Variants in PAK3 observed in about 807,000 individuals in gnomAD.
PAK3 encodes serine/threonine-protein kinase PAK 3.
A neutral mutation model predicts 41.0 loss-of-function variants in PAK3; 4 were observed. The ratio of observed to expected loss-of-function variants is 0.10; its 90% CI spans 0.05 to 0.22. The LOEUF (loss-of-function observed/expected upper bound fraction) is 0.22. PAK3 is among the 10% of genes least tolerant of loss of function. PAK3 has a pLI of 1.00. For missense variants in PAK3, 205 were observed against 409.9 expected, an observed-to-expected ratio of 0.50 and a Z score of 4.32; for synonymous variants, 146 against 139.6, an observed-to-expected ratio of 1.05 and a Z score of -0.32.
At chrX:111,098,223 G>A (rs987995083) in intron 3 of PAK3, among the ~76,000 whole-genome samples, 1 of 109,638 alleles carries the variant, frequency 9.1e-6, no homozygotes, top group Admixed American at 9.7e-5. Context: ...TGAGGGAAAC[G>A]AGAAATAAAA....
intron 1 of PAK3, among the ~76,000 whole-genome samples, chrX:110,997,805 T>C (rs1239503692): frequency 1.8e-5 from 2 of 110,848 alleles, no homozygotes; most frequent in Non-Finnish European, 3.8e-5. Flanking sequence ...GATTAGGTCA[T>C]CACGGAGGAG....
chrX:110,991,047 T>G (rs2091634386), intron 1 of PAK3, among the ~76,000 whole-genome samples: 1 of 109,399 alleles, frequency 9.1e-6, no homozygotes, highest in Admixed American at 9.8e-5. Context: ...GAGGATCGCT[T>G]GAACCCTGGA....
intron 1 of PAK3, among the ~76,000 whole-genome samples, chrX:110,951,959 T>C (rs1458513656): frequency 8.9e-6 from 1 of 112,431 alleles, no homozygotes; most frequent in Non-Finnish European, 1.9e-5. Flanking sequence ...GTTCCATAAC[T>C]TTCTGAAGGC....
At chrX:111,195,047 T>C (rs964788449) in intron 14 of PAK3, among the ~76,000 whole-genome samples, 1 of 112,420 alleles carries the variant, frequency 8.9e-6, no homozygotes, top group African/African-American at 3.2e-5. Context: ...AGTCTCATCT[T>C]AGGCATTATA....
At chrX:111,076,980 A>C (rs1391924087) in intron 1 of PAK3, among the ~76,000 whole-genome samples, 1 of 111,679 alleles carries the variant, frequency 9.0e-6, no homozygotes, top group Non-Finnish European at 1.9e-5. Flanking sequence ...AAGGTTGCAA[A>C]ATGTAGTACT....
chrX:111,208,281 T>G (rs1343749484), intron 16 of PAK3, among the ~76,000 whole-genome samples: 1 of 112,678 alleles, frequency 8.9e-6, no homozygotes, highest in South Asian at 3.7e-4. Flanking sequence ...ATTTAAAAAC[T>G]TACAGCAAGC....
chrX:110,966,486 G>A (rs943109645), intron 1 of PAK3, among the ~76,000 whole-genome samples: 1 of 110,655 alleles, frequency 9.0e-6, no homozygotes, highest in Non-Finnish European at 1.9e-5. Flanking sequence ...GAGAGATCAA[G>A]AACAGAGAGA....
chrX:111,077,025 A>C (rs967660497), intron 1 of PAK3, among the ~76,000 whole-genome samples: 24 of 111,530 alleles, frequency 2.2e-4, no homozygotes, highest in African/African-American at 5.2e-4. Context: ...ATCCCCCCCC[A>C]AAAAATCAAG....
chrX:110,991,351 A>T (rs1178479222), intron 1 of PAK3, among the ~76,000 whole-genome samples: 1 of 111,742 alleles, frequency 8.9e-6, no homozygotes, highest in Non-Finnish European at 1.9e-5. Flanking sequence ...GTTAGCTATC[A>T]TCATCATCAC....
At chrX:111,124,291 G>A (rs778334687) in intron 5 of PAK3, among the ~76,000 whole-genome samples, 1 of 112,270 alleles carries the variant, frequency 8.9e-6, no homozygotes, top group African/African-American at 3.2e-5. Flanking sequence ...CTGGATTGAA[G>A]ATAAACTGAA....
At chrX:111,100,301 C>T (rs1032605468) in intron 3 of PAK3, among the ~76,000 whole-genome samples, 33 of 111,355 alleles carry the variant, frequency 3.0e-4, no homozygotes, top group African/African-American at 1.1e-3. Flanking sequence ...ACTGTGAGCC[C>T]CAGGCACTTT....
At chrX:111,019,069 C>T (rs1339159650) in intron 1 of PAK3, among the ~76,000 whole-genome samples, 1 of 111,164 alleles carries the variant, frequency 9.0e-6, no homozygotes, top group African/African-American at 3.3e-5. Flanking sequence ...TGGGCCTTTA[C>T]CTTACACCAT....
rs2094362205 is a variant in PAK3 at position 111,172,914 on chromosome X, T to A, written c.767-104T>A. 5.0e-5 allele frequency: 27 copies of A among 544,218 alleles called. No homozygotes were observed. In the South Asian group the frequency reaches 6.2e-4, roughly 13 times the overall value. The allele number at this position is 544,218 out of a possible 1,213,427, so 44.8% of individuals were successfully genotyped here. ...TTTGTCACTGACTCTGGCATCTTAA[T>A]TTTCATTATTAAATTAAAAAACAGT... On this transcript the variant is annotated intron_variant, in intron 10 of 17. Coordinates refer to ENST00000372007, the MANE Select transcript of PAK3 (RefSeq NM_002578.5).
At chrX:111,013,221 C>T (rs1437489072) in intron 1 of PAK3, among the ~76,000 whole-genome samples, 1 of 112,586 alleles carries the variant, frequency 8.9e-6, no homozygotes, top group Non-Finnish European at 1.9e-5. Flanking sequence ...TCTACCCTCA[C>T]AGCATCATAG....
chrX:111,189,570 A>T (rs1461725599), intron 11 of PAK3, among the ~76,000 whole-genome samples: 3 of 111,640 alleles, frequency 2.7e-5, no homozygotes, highest in Non-Finnish European at 5.6e-5. Flanking sequence ...TTTTCTTGGC[A>T]GCCTTGCCAA....
At chrX:111,152,340 T>C (rs1362562289) in intron 7 of PAK3, 70 bp from the exon 8 acceptor site, 4 of 719,399 alleles carry the variant, frequency 5.6e-6, no homozygotes, top group Non-Finnish European at 8.8e-6. Flanking sequence ...AATTTTTATT[T>C]TTCTGGTGTG....
rs1344292761 is a variant in PAK3 at position 111,216,473 on chromosome X, G to T, written c.1460G>T (p.Arg487Ile). 1.0e-5 allele frequency: 12 copies of T among 1,177,794 alleles called. No homozygotes were observed. The highest frequency in any genetic ancestry group is 1.2e-5 in the Non-Finnish European group (10 of 865,776). ...NGTPELQNPERLSAVFRDFLN... is the reference protein window; with the variant it reads ...NGTPELQNPEILSAVFRDFLN... ...ACTCCAGAGCTCCAGAATCCTGAGA[G>T]ACTGTCAGCTGTATTCCGTGACTTT... Residue 487 changes from arginine (R) to isoleucine (I), a missense_variant, in exon 17 of 18, where the codon AGA becomes ATA. By Grantham distance (97) the Arg-to-Ile change is moderately conservative (BLOSUM62 -3). Coordinates refer to ENST00000372007, the MANE Select transcript of PAK3 (RefSeq NM_002578.5).
At chrX:111,164,375 G>A (rs1306405322) in intron 10 of PAK3, among the ~76,000 whole-genome samples, 1 of 110,787 alleles carries the variant, frequency 9.0e-6, no homozygotes, top group African/African-American at 3.3e-5. Context: ...TACTATAAAA[G>A]CATCTAACAA....
At chrX:111,214,288 A>T (rs1295367325) in intron 16 of PAK3, among the ~76,000 whole-genome samples, 4 of 111,798 alleles carry the variant, frequency 3.6e-5, no homozygotes, top group African/African-American at 9.8e-5. Context: ...CCAGGTTCTC[A>T]GCCAGGGATT....
Sources: allele counts gnomAD v4.1 joint callset (sites outside exome capture counted in the v4.1 genomes callset), GRCh38; gene constraint gnomAD v4.1.1; transcripts MANE v1.5; gene names NCBI Gene and HGNC (gene_info 2026-07-23, HGNC 2026-07-21).